PLXDC2: variants seen among roughly 807,000 people sequenced by gnomAD.
The protein encoded by PLXDC2 is plexin domain-containing protein 2.
A neutral mutation model predicts 68.9 loss-of-function variants in PLXDC2; 40 were observed. That is an observed-to-expected ratio of 0.58 (90% CI 0.45 to 0.76). PLXDC2 has a LOEUF of 0.76. Among genes scored for constraint, PLXDC2 ranks in the 30% least tolerant of loss-of-function variants. The pLI is 0.00. For missense variants in PLXDC2, 644 were observed against 661.9 expected, an observed-to-expected ratio of 0.97 and a Z score of 0.30; for synonymous variants, 243 against 234.2, an observed-to-expected ratio of 1.04 and a Z score of -0.34.
At chr10:19,868,286 A>G (rs1837460228) in intron 1 of PLXDC2, among the ~76,000 whole-genome samples, 1 of 152,102 alleles carries the variant, frequency 6.6e-6, no homozygotes, top group African/African-American at 2.4e-5. Flanking sequence ...GCCACCCTCA[A>G]TAGTCTCCAG....
chr10:19,837,991 A>G (rs1032688231), intron 1 of PLXDC2, among the ~76,000 whole-genome samples: 1 of 152,178 alleles, frequency 6.6e-6, no homozygotes, highest in Non-Finnish European at 1.5e-5. Flanking sequence ...CAATAAATTT[A>G]TATATTTATT....
chr10:20,206,863 CACACACACACAG>C (rs1835000163), intron 9 of PLXDC2, among the ~76,000 whole-genome samples: 2 of 147,694 alleles, frequency 1.4e-5, no homozygotes, highest in African/African-American at 2.7e-5. Flanking sequence ...CACACACACA[CACACACACACAG>C]ACACACACAC....
Position 20,199,850 on chromosome 10 carries a change from T to G in PLXDC2, c.1062-11819T>G, listed in dbSNP as rs16920071. On this transcript the variant is annotated intron_variant, in intron 9 of 13. Transcript: ENST00000377252. ...AGGATGGAGGATTTAAACTCCCAGG[T>G]ATTATTCAACAGAGGATTCTGAGAA... 1.4e-3 allele frequency among the ~76,000 whole-genome samples: 215 copies of G among 152,100 alleles called. 6 individuals carry two copies. In the East Asian group the frequency reaches 0.033, roughly 23 times the overall value.
intron 1 of PLXDC2, among the ~76,000 whole-genome samples, chr10:19,946,422 G>A (rs1009604811): frequency 1.3e-5 from 2 of 152,108 alleles, no homozygotes; most frequent in South Asian, 2.1e-4. Flanking sequence ...CCCCCTGACC[G>A]ATGATGTCCA....
chr10:20,183,453 G>T (rs531297893), intron 9 of PLXDC2, among the ~76,000 whole-genome samples: 1 of 152,076 alleles, frequency 6.6e-6, no homozygotes, highest in African/African-American at 2.4e-5. Context: ...CTGAAAAGAT[G>T]TGAGAAACAA....
At chr10:20,083,871 C>T (rs1357197250) in intron 4 of PLXDC2, among the ~76,000 whole-genome samples, 1 of 152,074 alleles carries the variant, frequency 6.6e-6, no homozygotes, top group East Asian at 1.9e-4. Context: ...TATCAAATTG[C>T]TGAATGTTGC....
intron 4 of PLXDC2, among the ~76,000 whole-genome samples, chr10:20,072,534 AGAAAGAAAGAAAGAAAGAAAAG>A (rs1836349579): frequency 9.4e-6 from 1 of 106,400 alleles, no homozygotes; most frequent in Non-Finnish European, 1.7e-5. Flanking sequence ...AAAGAAAGAA[AGAAAGAAAGAAAGAAAGAAAAG>A]GAAAGAAAGG....
At position 20,287,839 on chromosome 10, in the gene PLXDC2, GGA is replaced by G. The variant is rs1475994228; in HGVS notation, c.*8026_*8027del. The G allele has an allele frequency of 1.3e-5, 2 of 151,790 alleles. No individual in the cohort carries two copies. The highest frequency in any genetic ancestry group is 2.9e-5 in the Non-Finnish European group (2 of 68,010). 9.4% of individuals were successfully genotyped at this position (151,790 alleles called of 1,614,324 possible). A position where few individuals can be genotyped will look rare whatever the true frequency, so the allele number is the denominator to read the frequency against. On this transcript the variant is annotated 3_prime_UTR_variant, in exon 14 of 14. Transcript: ENST00000377252. ...GTACATTATTTTCAGGGGAAAAAAA[GGA>G]GAGAGTCTTTTTTATATGCCAGCTG...
At chr10:20,040,813 T>G (rs548427166) in intron 2 of PLXDC2, among the ~76,000 whole-genome samples, 1 of 152,294 alleles carries the variant, frequency 6.6e-6, no homozygotes, top group Admixed American at 6.5e-5. Flanking sequence ...AATAATGGGC[T>G]TTCAGTGCCA....
intron 1 of PLXDC2, among the ~76,000 whole-genome samples, chr10:19,826,743 G>C (rs995655342): frequency 1.3e-5 from 2 of 151,910 alleles, no homozygotes; most frequent in African/African-American, 4.8e-5. Flanking sequence ...CTTTAAAAAA[G>C]GTGGTTTTTT....
chr10:19,853,478 A>G (rs936964934), intron 1 of PLXDC2, among the ~76,000 whole-genome samples: 3 of 150,866 alleles, frequency 2.0e-5, no homozygotes, highest in Non-Finnish European at 4.4e-5. Flanking sequence ...CTGATATTGA[A>G]CTCCTGGTCT....
At chr10:19,844,996 C>G (rs1356661572) in intron 1 of PLXDC2, among the ~76,000 whole-genome samples, 1 of 152,144 alleles carries the variant, frequency 6.6e-6, no homozygotes, top group African/African-American at 2.4e-5. Flanking sequence ...AAGAAAATAT[C>G]TTGCTTTGGT....
chr10:19,950,555 A>C (rs571549806), intron 1 of PLXDC2, among the ~76,000 whole-genome samples: 5 of 152,248 alleles, frequency 3.3e-5, no homozygotes, highest in East Asian at 1.9e-4. Context: ...GATTTGAATA[A>C]ATAGTATTTT....
chr10:20,018,414 C>G (rs1835249663), intron 2 of PLXDC2, among the ~76,000 whole-genome samples: 1 of 152,122 alleles, frequency 6.6e-6, no homozygotes, highest in South Asian at 2.1e-4. Context: ...GAAATACTTC[C>G]TTTTGCTTCT....
intron 1 of PLXDC2, among the ~76,000 whole-genome samples, chr10:19,880,915 A>G (rs1035899638): frequency 6.6e-6 from 1 of 152,180 alleles, no homozygotes; most frequent in Non-Finnish European, 1.5e-5. Context: ...TTTCTTATCA[A>G]TTATCTCATT....
chr10:19,826,653 G>A (rs1028614158), intron 1 of PLXDC2, among the ~76,000 whole-genome samples: 2 of 152,076 alleles, frequency 1.3e-5, no homozygotes, highest in Non-Finnish European at 2.9e-5. Flanking sequence ...TGTTAAACTA[G>A]CATAGGATAT....
At chr10:19,991,194 C>G (rs188114487) in intron 1 of PLXDC2, among the ~76,000 whole-genome samples, 9 of 150,356 alleles carry the variant, frequency 6.0e-5, no homozygotes, top group Non-Finnish European at 1.0e-4. Flanking sequence ...TGCGGTGAGC[C>G]GAGATCATGC....
chr10:20,279,465 C>G (rs1178312295), intron 13 of PLXDC2, among the ~76,000 whole-genome samples: 1 of 152,068 alleles, frequency 6.6e-6, no homozygotes, highest in Non-Finnish European at 1.5e-5. Context: ...CCTTTGAGGG[C>G]AGGTGTGACA....
chr10:20,195,343 C>G (rs1225988777), intron 9 of PLXDC2, among the ~76,000 whole-genome samples: 1 of 152,020 alleles, frequency 6.6e-6, no homozygotes, highest in Non-Finnish European at 1.5e-5. Context: ...CCTTCTTAAT[C>G]CACCCAGCCA....
Sources: allele counts gnomAD v4.1 joint callset (sites outside exome capture counted in the v4.1 genomes callset), GRCh38; gene constraint gnomAD v4.1.1; transcripts MANE v1.5; gene names NCBI Gene and HGNC (gene_info 2026-07-23, HGNC 2026-07-21).